CHM: variants seen among roughly 807,000 people sequenced by gnomAD.
CHM encodes CHM Rab escort protein.
CHM carries 10 observed loss-of-function variants against 49.0 expected under a neutral mutation model. That is an observed-to-expected ratio of 0.20 (90% confidence interval 0.13 to 0.35). The LOEUF (loss-of-function observed/expected upper bound fraction) is 0.35, where lower values mean the gene tolerates loss of function less well. CHM is among the 10% of genes least tolerant of loss of function. CHM has a pLI of 1.00. For missense variants in CHM, 455 were observed against 478.4 expected (o/e 0.95, Z 0.46); for synonymous variants, 184 against 167.5 (o/e 1.10, Z -0.76).
chrX:85,871,824 T>C (rs754007055), intron 14 of CHM, among the ~76,000 whole-genome samples: 1 of 111,996 alleles, frequency 8.9e-6, no homozygotes, highest in African/African-American at 3.2e-5. Context: ...TATTAAAAGT[T>C]CATTCAGGGA....
At chrX:85,995,260 TAAAAAAAAAAAAAA>T (rs55742394) in intron 2 of CHM, among the ~76,000 whole-genome samples, 2 of 46,810 alleles carry the variant, frequency 4.3e-5, no homozygotes, top group African/African-American at 1.8e-4. Context: ...CCTTATTACT[TAAAAAAAAAAAAAA>T]AAAAAAAAAA....
chrX:85,941,656 C>G (rs763815282), intron 8 of CHM, among the ~76,000 whole-genome samples: 3 of 111,295 alleles, frequency 2.7e-5, no homozygotes, highest in Non-Finnish European at 5.7e-5. Flanking sequence ...AGAATACAGC[C>G]ATATCCATTT....
At chrX:85,927,896 A>C (rs12863109) in intron 8 of CHM, among the ~76,000 whole-genome samples, 2 of 112,421 alleles carry the variant, frequency 1.8e-5, no homozygotes, top group South Asian at 7.4e-4. Flanking sequence ...TCATAGCTGC[A>C]AAACAGTATG....
chrX:86,021,167 T>C (rs1933583292), intron 2 of CHM, among the ~76,000 whole-genome samples: 1 of 38,295 alleles, frequency 2.6e-5, no homozygotes, highest in Admixed American at 2.4e-4. Context: ...TACACGTATA[T>C]ATATGTGTAT....
At position 86,041,690 on chromosome X, in the gene CHM, GTATA is replaced by G. The variant is rs3078123; in HGVS notation, c.49+5790_49+5793del. On this transcript the variant is annotated intron_variant, in intron 1 of 14. Coordinates refer to ENST00000357749, the MANE Select transcript of CHM (RefSeq NM_000390.4). Reference sequence around the variant, plus strand: ...AACATATGTGTGTATGTGTGTTTATGTATATATATATATATGTTATATATATGGT... The same window carrying G: ...AACATATGTGTGTATGTGTGTTTATGTATATATATATGTTATATATATGGT... 1.3e-4 allele frequency among the ~76,000 whole-genome samples: 12 copies of G among 90,376 alleles called. No homozygotes were observed. The East Asian group carries it at 1.4e-3, about 11-fold the overall frequency. The allele number at this position is 90,376 out of a possible 115,157, so 78.5% of individuals were successfully genotyped here.
intron 12 of CHM, among the ~76,000 whole-genome samples, chrX:85,891,819 C>T (rs1258197356): frequency 2.7e-5 from 3 of 111,460 alleles, no homozygotes; most frequent in South Asian, 3.8e-4. Flanking sequence ...CAACAGGTTG[C>T]GCCAGGAAAA....
chrX:85,963,399 G>A lies in CHM; in HGVS notation c.702+266C>T, dbSNP rs7889575. On this transcript the variant is annotated intron_variant, in intron 5 of 14. Transcript: ENST00000357749. ...AATTTTTCTTTTGATAGAATTCATA[G>A]TGTCCAGAGAATATTAGGTTGTAGT... Among the ~76,000 whole-genome samples, 548 of 112,654 alleles carry A rather than the reference G, an allele frequency of 4.9e-3. 3 individuals are homozygous for A. The highest frequency in any genetic ancestry group is 0.017 in the African/African-American group (528 of 30,993).
chrX:85,880,524 A>G (rs1924699673), intron 12 of CHM, among the ~76,000 whole-genome samples: 1 of 111,535 alleles, frequency 9.0e-6, no homozygotes, highest in Non-Finnish European at 1.9e-5. Flanking sequence ...GTTAATGTTT[A>G]TTTGGGAAAA....
chrX:85,906,075 A>C (rs1208887867), intron 9 of CHM, among the ~76,000 whole-genome samples: 1 of 111,932 alleles, frequency 8.9e-6, no homozygotes, highest in Admixed American at 9.5e-5. Flanking sequence ...GGCAAAAAGA[A>C]AACAAATAAT....
In CHM at chrX:86,026,102, C is replaced by CTTTTTTTTTTTTTTTTTTTTT. The variant is rs1167691945; in HGVS notation, c.116+1368_116+1388dup. Reference sequence around the variant, plus strand: ...CTGGGCTTTCAAGGTAGCAGATTTTCTTTTTTTTTTTTTTTTTTTTTTTTT... The same window carrying CTTTTTTTTTTTTTTTTTTTTT: ...CTGGGCTTTCAAGGTAGCAGATTTTCTTTTTTTTTTTTTTTTTTTTTTTTTTTTTTTTTTTTTTTTTTTTTT... On this transcript the variant is annotated intron_variant, in intron 2 of 14. Coordinates refer to ENST00000357749, the MANE Select transcript of CHM (RefSeq NM_000390.4). 3.0e-4 allele frequency among the ~76,000 whole-genome samples: 8 copies of CTTTTTTTTTTTTTTTTTTTTT among 26,761 alleles called. 3 individuals are homozygous for CTTTTTTTTTTTTTTTTTTTTT. The highest frequency in any genetic ancestry group is 3.8e-4 in the Non-Finnish European group (5 of 13,232). 23.2% of individuals were successfully genotyped at this position (26,761 alleles called of 115,157 possible).
At chrX:86,038,877 A>T (rs1281860079) in intron 1 of CHM, among the ~76,000 whole-genome samples, 1 of 112,443 alleles carries the variant, frequency 8.9e-6, no homozygotes, top group Non-Finnish European at 1.9e-5. Flanking sequence ...AAATAAAACA[A>T]CTGCCAACCA....
intron 8 of CHM, among the ~76,000 whole-genome samples, chrX:85,942,502 T>G (rs927203732): frequency 4.2e-4 from 47 of 111,770 alleles, no homozygotes; most frequent in Non-Finnish European, 4.5e-4. Flanking sequence ...GTAAATAAAT[T>G]TCAAGGTCTT....
intron 8 of CHM, among the ~76,000 whole-genome samples, chrX:85,954,893 C>CAA (rs768276965): frequency 0.21 from 17,556 of 82,449 alleles, 1,770 homozygotes; most frequent in Non-Finnish European, 0.24. Context: ...CTCCATCTCC[C>CAA]AAAAAAAAAA....
At chrX:85,998,380 G>A (rs963163693) in intron 2 of CHM, among the ~76,000 whole-genome samples, 5 of 111,480 alleles carry the variant, frequency 4.5e-5, no homozygotes, top group Non-Finnish European at 9.4e-5. Flanking sequence ...AAACGATAAT[G>A]AGTCTCTTGG....
chrX:85,889,693 C>T (rs1257233463), intron 12 of CHM, among the ~76,000 whole-genome samples: 1 of 111,303 alleles, frequency 9.0e-6, no homozygotes. Flanking sequence ...CAAGCAATCC[C>T]ATTACTGGGT....
At chrX:85,869,637 C>A (rs773527144) in intron 14 of CHM, among the ~76,000 whole-genome samples, 1 of 111,888 alleles carries the variant, frequency 8.9e-6, no homozygotes, top group African/African-American at 3.2e-5. Flanking sequence ...CTTCCCAAAT[C>A]TCTCCTCTCT....
chrX:85,916,531 G>T (rs1457741675), intron 8 of CHM, among the ~76,000 whole-genome samples: 1 of 111,442 alleles, frequency 9.0e-6, no homozygotes, highest in Non-Finnish European at 1.9e-5. Context: ...GAATGGGAGA[G>T]AATTTTTACA....
At position 85,982,611 on chromosome X, in the gene CHM, G is replaced by C. The variant is rs75801678; in HGVS notation, c.117-802C>G. Among the ~76,000 whole-genome samples, 4 of 110,869 alleles carry C rather than the reference G, an allele frequency of 3.6e-5. No homozygotes were observed. The East Asian group carries it at 1.1e-3, about 32-fold the overall frequency. On this transcript the variant is annotated intron_variant, in intron 2 of 14. Coordinates refer to ENST00000357749, the MANE Select transcript of CHM (RefSeq NM_000390.4). The stretch of plus-strand genomic sequence containing the variant: ...AACCAGAACTCTTTAATTCTTCACT[G>C]CATATTGGGGCTCCGGATCCTTGTA...
intron 1 of CHM, among the ~76,000 whole-genome samples, chrX:86,044,274 G>A (rs1934579614): frequency 8.9e-6 from 1 of 111,929 alleles, no homozygotes; most frequent in African/African-American, 3.2e-5. Flanking sequence ...TTTGATGTAA[G>A]TTTGCATTTT....
Sources: gnomAD v4.1 joint callset for allele counts (sites outside exome capture counted in the v4.1 genomes callset) on GRCh38, gnomAD v4.1.1 for gene constraint, MANE v1.5 for transcripts, NCBI Gene and HGNC (gene_info 2026-07-23, HGNC 2026-07-21) for gene names.